Variants in KCNK2 observed in about 807,000 individuals in gnomAD.
KCNK2 encodes the protein potassium channel subfamily K member 2.
In KCNK2, 21 loss-of-function variants were observed where a neutral mutation model predicts 40.5. The ratio of observed to expected loss-of-function variants is 0.52; its 90% CI spans 0.37 to 0.75. The LOEUF is 0.75. Among genes scored for constraint, KCNK2 ranks in the 30% least tolerant of loss-of-function variants. The probability of loss-of-function intolerance (pLI) is 0.00; values close to 1 mark genes in which losing one functional copy is unlikely to be tolerated. For synonymous variants in KCNK2, 191 were observed against 202.2 expected (o/e 0.94, Z 0.47); for missense variants, 399 against 531.6 (o/e 0.75, Z 2.45).
chr1:215,028,724 C>T (rs1223733706), intron 1 of KCNK2, among the ~76,000 whole-genome samples: 1 of 152,084 alleles, frequency 6.6e-6, no homozygotes, highest in Non-Finnish European at 1.5e-5. Flanking sequence ...AATGCATTTA[C>T]CATGTGACTT....
rs1034703526 is a variant in KCNK2, at chr1:215,235,793, T to G, written c.*648T>G. ...GAAGTGATGATGCCCGAAGATGAAATAGATGCCAAATTAGATGGACATTGA... is the reference window on the plus strand; with the variant it reads ...GAAGTGATGATGCCCGAAGATGAAAGAGATGCCAAATTAGATGGACATTGA... On this transcript the variant is annotated 3_prime_UTR_variant, in exon 7 of 7. Coordinates refer to ENST00000444842, the MANE Select transcript of KCNK2 (RefSeq NM_001017425.3). The G allele has an allele frequency of 6.6e-6, 1 of 152,508 alleles. No individual in the cohort carries two copies. Among genetic ancestry groups the G allele is most frequent in the African/African-American group, 2.4e-5 (1 of 41,400 alleles). The allele number at this position is 152,508 out of a possible 1,614,324, so 9.4% of individuals were successfully genotyped here. A position where few individuals can be genotyped will look rare whatever the true frequency, so the allele number is the denominator to read the frequency against.
intron 1 of KCNK2, among the ~76,000 whole-genome samples, chr1:215,062,790 C>CA (rs1052153238): frequency 6.6e-6 from 1 of 151,778 alleles, no homozygotes; most frequent in Admixed American, 6.6e-5. Flanking sequence ...TTGCTGATTC[C>CA]AAACTCATTT....
intron 6 of KCNK2, among the ~76,000 whole-genome samples, chr1:215,226,751 A>G (rs1666402117): frequency 6.6e-6 from 1 of 152,012 alleles, no homozygotes; most frequent in Admixed American, 6.5e-5. Flanking sequence ...GCTGGTAAGC[A>G]GAAAGGAAAA....
intron 6 of KCNK2, among the ~76,000 whole-genome samples, chr1:215,198,999 A>G (rs1664976381): frequency 6.6e-6 from 1 of 152,120 alleles, no homozygotes; most frequent in Non-Finnish European, 1.5e-5. Context: ...CCCTTATTCC[A>G]TTTCTGTTTT....
intron 4 of KCNK2, among the ~76,000 whole-genome samples, chr1:215,171,121 T>A (rs1406622357): frequency 6.6e-6 from 1 of 152,196 alleles, no homozygotes; most frequent in Non-Finnish European, 1.5e-5. Context: ...GTTTGTGACC[T>A]ATATTTTTTA....
intron 6 of KCNK2, among the ~76,000 whole-genome samples, chr1:215,211,231 T>G (rs1665729369): frequency 6.6e-6 from 1 of 152,154 alleles, no homozygotes. Context: ...GTGCTCACTC[T>G]GTTCCAGCCT....
rs887185547 is a variant in KCNK2 at position 215,178,962 on chromosome 1, G to A, written c.823+6779G>A. Among the ~76,000 whole-genome samples, 17 of 151,010 alleles carry A rather than the reference G, an allele frequency of 1.1e-4. No homozygotes were observed. In the Middle Eastern group the frequency reaches 0.014, roughly 122 times the overall value. On this transcript the variant is annotated intron_variant, in intron 5 of 6. Transcript: ENST00000444842. ...TGTACATCTGGTAGAATCTGAATGT[G>A]AATTAACCTAGTCCAGGGATTCCTT...
chr1:215,223,655 T>C (rs1203486446), intron 6 of KCNK2, among the ~76,000 whole-genome samples: 2 of 152,156 alleles, frequency 1.3e-5, no homozygotes, highest in African/African-American at 2.4e-5. Context: ...CCTGGAAGAA[T>C]TGCTATTTTC....
At chr1:215,007,227 A>ATGTG (rs1337347831) in intron 1 of KCNK2, among the ~76,000 whole-genome samples, 1 of 95,772 alleles carries the variant, frequency 1.0e-5, no homozygotes, top group Non-Finnish European at 2.1e-5. Flanking sequence ...ATATATATAT[A>ATGTG]GGCTCATTTC....
At chr1:215,098,393 C>T (rs1362990941) in intron 2 of KCNK2, among the ~76,000 whole-genome samples, 2 of 151,884 alleles carry the variant, frequency 1.3e-5, no homozygotes, top group Non-Finnish European at 2.9e-5. Context: ...TTGAAAAGGG[C>T]AGCCTGCTTA....
At position 215,086,652 on chromosome 1, in the gene KCNK2, T is replaced by C; in HGVS notation, c.331T>C (p.Ser111Pro). Reference sequence around the variant, plus strand: ...CATATCCCAACATTCCTGTGTCAATTCGACGGAGCTGGATGAACTCATTCA... The same window carrying C: ...CATATCCCAACATTCCTGTGTCAATCCGACGGAGCTGGATGAACTCATTCA... ...TFISQHSCVN[S>P]TELDELIQQI... is the part of the protein sequence containing the mutation. The change falls in exon 2 of 7, where the codon TCG (serine) becomes CCG (proline). Residue 111 changes from serine to proline, a missense_variant. Around this residue, in one of 3 missense-constraint regions of KCNK2, gnomAD observed 279 missense variants for 353.8 expected, o/e 0.79. Transcript: ENST00000444842. 6.2e-7 allele frequency: 1 copy of C among 1,614,060 alleles called. No individual in the cohort carries two copies. Among genetic ancestry groups the C allele is most frequent in the East Asian group, 2.2e-5 (1 of 44,878 alleles).
chr1:215,007,809 G>A (rs568783936), intron 1 of KCNK2, among the ~76,000 whole-genome samples: 47 of 151,952 alleles, frequency 3.1e-4, no homozygotes, highest in Non-Finnish European at 5.2e-4. Flanking sequence ...GCTTAACGTT[G>A]GATAAGCTTA....
At chr1:215,046,417 T>A (rs893864078) in intron 1 of KCNK2, among the ~76,000 whole-genome samples, 22 of 149,316 alleles carry the variant, frequency 1.5e-4, no homozygotes, top group African/African-American at 5.4e-4. Context: ...TATATTTGAC[T>A]AAGGTCAAGT....
chr1:215,187,250 G>A (rs935530388), intron 5 of KCNK2, among the ~76,000 whole-genome samples: 4 of 152,138 alleles, frequency 2.6e-5, no homozygotes, highest in Non-Finnish European at 4.4e-5. Context: ...GATTTTAAAA[G>A]CATCAATAAT....
chr1:215,129,288 T>A (rs188826171), intron 3 of KCNK2, among the ~76,000 whole-genome samples: 343 of 152,282 alleles, frequency 2.3e-3, no homozygotes, highest in African/African-American at 8.1e-3. Flanking sequence ...TTAGGAAGAT[T>A]CATTTTAGTC....
Position 215,235,388 on chromosome 1 carries a change from C to A in KCNK2, c.*243C>A, listed in dbSNP as rs562151073. ...GTGGAATGACAAGCAATGTCTGATG[C>A]CTTTTTGTGCCCAGACTGTTTTCCT... On this transcript the variant is annotated 3_prime_UTR_variant, in exon 7 of 7. Transcript: ENST00000444842. The A allele has an allele frequency of 1.8e-5, 8 of 441,096 alleles. No individual in the cohort carries two copies. Among genetic ancestry groups the A allele is most frequent in the African/African-American group, 1.4e-4 (7 of 51,452 alleles). The allele number at this position is 441,096 out of a possible 1,614,324, so 27.3% of individuals were successfully genotyped here.
At chr1:215,220,900 A>C (rs1445343810) in intron 6 of KCNK2, among the ~76,000 whole-genome samples, 1 of 152,178 alleles carries the variant, frequency 6.6e-6, no homozygotes, top group East Asian at 1.9e-4. Context: ...CAACAAACAG[A>C]TGATTACCCT....
intron 6 of KCNK2, among the ~76,000 whole-genome samples, chr1:215,220,146 G>T (rs181693989): frequency 6.6e-6 from 1 of 152,128 alleles, no homozygotes; most frequent in African/African-American, 2.4e-5. Context: ...TTCCATATCT[G>T]TTTATTTTAT....
chr1:215,192,751 T>C (rs1483282004), intron 5 of KCNK2, among the ~76,000 whole-genome samples: 3 of 152,198 alleles, frequency 2.0e-5, no homozygotes, highest in Non-Finnish European at 4.4e-5. Flanking sequence ...CATCACGAGA[T>C]GCATTTATAA....
Sources: gnomAD v4.1 joint callset for allele counts (sites outside exome capture counted in the v4.1 genomes callset) on GRCh38, gnomAD v4.1.1 for gene constraint, gnomAD v4.1.1 regional missense constraint, MANE v1.5 for transcripts, NCBI Gene and HGNC (gene_info 2026-07-23, HGNC 2026-07-21) for gene names.